Variants in DMAC1 observed in about 807,000 individuals in gnomAD.
The protein encoded by DMAC1 is distal membrane arm assembly component 1, also known as distal membrane-arm assembly complex protein 1.
In DMAC1, 10 loss-of-function variants were observed where a neutral mutation model predicts 7.0. The observed-to-expected ratio is 1.43, with a 90% CI of 0.88 to 2.43. The LOEUF is 2.43. Among genes scored for constraint, DMAC1 ranks in the 30% most tolerant of loss-of-function variants. DMAC1 has a pLI of 0.00. For missense variants in DMAC1, 219 were observed against 158.7 expected (o/e 1.38, Z -2.04); for synonymous variants, 92 against 66.2 (o/e 1.39, Z -1.90).
Position 7,799,614 on chromosome 9 carries a change from G to T in DMAC1, c.121C>A (p.His41Asn). The change falls in exon 1 of 2, where the codon CAC (histidine) becomes AAC (asparagine). Residue 41 changes from histidine to asparagine, a missense_variant. His to Asn is a moderately conservative substitution (Grantham distance 68). Transcript: ENST00000358227. ...TPGAPTSPAEHRLLKTCWSCR... is the reference protein window; with the variant it reads ...TPGAPTSPAENRLLKTCWSCR... ...CTCCAGCAGGTCTTCAACAGGCGGT[G>T]TTCTGCTGGGGAGGTCGGCGCTCCG... The T allele has an allele frequency of 6.2e-7, 1 of 1,613,498 alleles. No individual in the cohort carries two copies. Among genetic ancestry groups the T allele is most frequent in the Non-Finnish European group, 8.5e-7 (1 of 1,179,948 alleles).
At chr9:7,798,695 T>A in intron 1 of DMAC1, 58 bp from the exon 2 acceptor site, 2 of 1,398,016 alleles carry the variant, frequency 1.4e-6, no homozygotes, top group Non-Finnish European at 1.9e-6. Flanking sequence ...ACCAAGTGTT[T>A]CACATATACG....
rs1455048049 is a variant in DMAC1, at chr9:7,799,480, C to A, written c.255G>T (p.Thr85=). 6.2e-7 allele frequency: 1 copy of A among 1,612,890 alleles called. No individual in the cohort carries two copies. The highest frequency in any genetic ancestry group is 2.2e-5 in the East Asian group (1 of 44,840). Reference sequence around the variant, plus strand: ...TCTCACTGAGGCCGATGACCATCTGCGTAATGGTCCATGGACTCGGGGGGT... The same window carrying A: ...TCTCACTGAGGCCGATGACCATCTGAGTAATGGTCCATGGACTCGGGGGGT... ...MGYPPSPWTI[T]QMVIGLSIAT... Residue 85 remains threonine, a synonymous_variant, in exon 1 of 2, where the codon ACG becomes ACT. Coordinates refer to ENST00000358227, the MANE Select transcript of DMAC1 (RefSeq NM_033428.3).
chr9:7,798,491 G>C lies in DMAC1; in HGVS notation c.*82C>G. 2 of 1,431,996 alleles carry C rather than the reference G, an allele frequency of 1.4e-6. No homozygotes were observed. Among genetic ancestry groups the C allele is most frequent in the South Asian group, 1.1e-5 (1 of 87,556 alleles). 88.7% of individuals were successfully genotyped at this position (1,431,996 alleles called of 1,614,324 possible). On this transcript the variant is annotated 3_prime_UTR_variant, in exon 2 of 2. Transcript: ENST00000358227. ...CTGTCCATGTACAAGTGTCTGTCCA[G>C]AACACCCATTAAATTCCATGCCTGC...
Position 7,799,747 on chromosome 9 carries a change from G to C in DMAC1, c.-13C>G. On this transcript the variant is annotated 5_prime_UTR_variant, in exon 1 of 2. Transcript: ENST00000358227. Reference sequence around the variant, plus strand: ...ACCGAGACCCCATGCTCTGGAACTCGGCCTCAACCTTGGGCGTCTTTGGTT... The same window carrying C: ...ACCGAGACCCCATGCTCTGGAACTCCGCCTCAACCTTGGGCGTCTTTGGTT... The C allele has an allele frequency of 3.3e-6, 5 of 1,508,610 alleles. No individual in the cohort carries two copies. The highest frequency in any genetic ancestry group is 4.4e-6 in the Non-Finnish European group (5 of 1,133,870). 93.5% of individuals were successfully genotyped at this position (1,508,610 alleles called of 1,614,324 possible). A position where few individuals can be genotyped will look rare whatever the true frequency, so the allele number is the denominator to read the frequency against.
At chr9:7,799,299 G>A (rs1818688066) in intron 1 of DMAC1, 162 bp downstream of exon 1, 2 of 844,540 alleles carry the variant, frequency 2.4e-6, no homozygotes, top group Non-Finnish European at 3.6e-6. Flanking sequence ...AAAAAAGAAA[G>A]GCGTTCCAAC....
rs1474560856 is a variant in DMAC1 at position 7,797,621 on chromosome 9, G to A, written c.*952C>T. ...GAAAACATGGCCTTCTCTTAGAAAT[G>A]AACTATGTAATTTTGAGTACTTATC... On this transcript the variant is annotated 3_prime_UTR_variant, in exon 2 of 2. Coordinates refer to ENST00000358227, the MANE Select transcript of DMAC1 (RefSeq NM_033428.3). 6.6e-6 allele frequency: 1 copy of A among 151,828 alleles called. No individual in the cohort carries two copies. Among genetic ancestry groups the A allele is most frequent in the African/African-American group, 2.4e-5 (1 of 41,380 alleles). 9.4% of individuals were successfully genotyped at this position (151,828 alleles called of 1,614,324 possible). A position where few individuals can be genotyped will look rare whatever the true frequency, so the allele number is the denominator to read the frequency against.
Position 7,798,557 on chromosome 9 carries a change from T to C in DMAC1, c.*16A>G, listed in dbSNP as rs1818664790. ...GAAAGGGACAGAGACAGAAGACAGA[T>C]TCACTGGTGGTACTTTCAAACAACG... On this transcript the variant is annotated 3_prime_UTR_variant, in exon 2 of 2. Coordinates refer to ENST00000358227, the MANE Select transcript of DMAC1 (RefSeq NM_033428.3). 2 of 1,613,892 alleles carry C rather than the reference T, an allele frequency of 1.2e-6. No individual in the cohort carries two copies. Among genetic ancestry groups the C allele is most frequent in the Non-Finnish European group, 1.7e-6 (2 of 1,179,760 alleles).
intron 1 of DMAC1, 24 bp from the exon 2 acceptor site, chr9:7,798,661 TA>T: frequency 6.5e-7 from 1 of 1,527,856 alleles, no homozygotes; most frequent in East Asian, 2.3e-5. Context: ...AACAATACCT[TA>T]CCTTTATGCT....
In DMAC1 at chr9:7,799,738, C is replaced by G. The variant is rs376872204; in HGVS notation, c.-4G>C. On this transcript the variant is annotated 5_prime_UTR_variant, in exon 1 of 2. Transcript: ENST00000358227. Reference sequence around the variant, plus strand: ...GCTGGGACAACCGAGACCCCATGCTCTGGAACTCGGCCTCAACCTTGGGCG... The same window carrying G: ...GCTGGGACAACCGAGACCCCATGCTGTGGAACTCGGCCTCAACCTTGGGCG... The G allele has an allele frequency of 1.3e-5, 20 of 1,518,694 alleles. No individual in the cohort carries two copies. In the African/African-American group the frequency reaches 1.4e-4, roughly 10 times the overall value. The allele number at this position is 1,518,694 out of a possible 1,614,324, so 94.1% of individuals were successfully genotyped here. A position where few individuals can be genotyped will look rare whatever the true frequency, so the allele number is the denominator to read the frequency against.
Position 7,799,644 on chromosome 9 carries a change from T to C in DMAC1, c.91A>G (p.Thr31Ala). Reference protein sequence around the residue: ...AAPAKPAPPATPGAPTSPAEH... With the variant: ...AAPAKPAPPAAPGAPTSPAEH... ...GCTGGGGAGGTCGGCGCTCCGGGTG[T>C]AGCTGGGGGCGCAGGTTTGGCGGGC... The change falls in exon 1 of 2, where the codon ACA (threonine) becomes GCA (alanine). Residue 31 changes from threonine (T) to alanine (A), a missense_variant. Physicochemically the swap from Thr to Ala is moderately conservative, Grantham distance 58 (BLOSUM62 0). Coordinates refer to ENST00000358227, the MANE Select transcript of DMAC1 (RefSeq NM_033428.3). The C allele has an allele frequency of 6.2e-7, 1 of 1,612,310 alleles. No individual in the cohort carries two copies. The highest frequency in any genetic ancestry group is 8.5e-7 in the Non-Finnish European group (1 of 1,179,630).
At position 7,797,897 on chromosome 9, in the gene DMAC1, G is replaced by T. The variant is rs1052831700; in HGVS notation, c.*676C>A. ...TACTGAATGACCCTAGGCAAATCAT[G>T]TGGGCTCTTTCTTGTGTTTTAAGTT... On this transcript the variant is annotated 3_prime_UTR_variant, in exon 2 of 2. Coordinates refer to ENST00000358227, the MANE Select transcript of DMAC1 (RefSeq NM_033428.3). 4 of 152,306 alleles carry T rather than the reference G, an allele frequency of 2.6e-5. No homozygotes were observed. The highest frequency in any genetic ancestry group is 5.9e-5 in the Non-Finnish European group (4 of 68,028). The allele number at this position is 152,306 out of a possible 1,614,324, so 9.4% of individuals were successfully genotyped here. A position where few individuals can be genotyped will look rare whatever the true frequency, so the allele number is the denominator to read the frequency against.
In DMAC1 at chr9:7,797,195, T is replaced by C. The variant is rs1818624785; in HGVS notation, c.*1378A>G. ...TATGAATGACCATATGTATCTGCTT[T>C]GGGTCATCCATGGTCCCTTCCAACT... is the stretch of plus-strand genomic sequence containing the variant. On this transcript the variant is annotated 3_prime_UTR_variant, in exon 2 of 2. Coordinates refer to ENST00000358227, the MANE Select transcript of DMAC1 (RefSeq NM_033428.3). 6.6e-6 allele frequency: 1 copy of C among 152,264 alleles called. No individual in the cohort carries two copies. The highest frequency in any genetic ancestry group is 2.1e-4 in the South Asian group (1 of 4,834). 9.4% of individuals were successfully genotyped at this position (152,264 alleles called of 1,614,324 possible).
At position 7,799,736 on chromosome 9, in the gene DMAC1, C is replaced by G. The variant is rs574961082; in HGVS notation, c.-2G>C. 6.6e-7 allele frequency: 1 copy of G among 1,519,134 alleles called. No homozygotes were observed. Among genetic ancestry groups the G allele is most frequent in the African/African-American group, 1.4e-5 (1 of 72,366 alleles). 94.1% of individuals were successfully genotyped at this position (1,519,134 alleles called of 1,614,324 possible). Reference sequence around the variant, plus strand: ...AGGCTGGGACAACCGAGACCCCATGCTCTGGAACTCGGCCTCAACCTTGGG... The same window carrying G: ...AGGCTGGGACAACCGAGACCCCATGGTCTGGAACTCGGCCTCAACCTTGGG... On this transcript the variant is annotated 5_prime_UTR_variant, in exon 1 of 2. Transcript: ENST00000358227.
At chr9:7,798,765 TA>T (rs35895158) in intron 1 of DMAC1, 128 bp from the exon 2 acceptor site, 40,260 of 725,434 alleles carry the variant, frequency 0.055, 2,392 homozygotes, top group African/African-American at 0.25. Flanking sequence ...ATCTTTCTTA[TA>T]AGGCAAGTGA....
chr9:7,796,926 T>A lies in DMAC1; in HGVS notation c.*1647A>T, dbSNP rs1015183013. 8 of 148,280 alleles carry A rather than the reference T, an allele frequency of 5.4e-5. No homozygotes were observed. Among genetic ancestry groups the A allele is most frequent in the African/African-American group, 1.9e-4 (8 of 41,150 alleles). 9.2% of individuals were successfully genotyped at this position (148,280 alleles called of 1,614,324 possible). ...AACTACTAATTAAGTTTTTGAGGAG[T>A]CAGGTTATATGCAGATTCTCCACTG... On this transcript the variant is annotated 3_prime_UTR_variant, in exon 2 of 2. Transcript: ENST00000358227.
At position 7,796,953 on chromosome 9, in the gene DMAC1, G is replaced by A. The variant is rs1204420064; in HGVS notation, c.*1620C>T. 6.6e-6 allele frequency: 1 copy of A among 152,178 alleles called. No individual in the cohort carries two copies. The highest frequency in any genetic ancestry group is 1.5e-5 in the Non-Finnish European group (1 of 68,044). The allele number at this position is 152,178 out of a possible 1,614,324, so 9.4% of individuals were successfully genotyped here. ...AGGTTATATGCAGATTCTCCACTGA[G>A]CAAATGTTCAGCGCTCTTAACTCCT... On this transcript the variant is annotated 3_prime_UTR_variant, in exon 2 of 2. Coordinates refer to ENST00000358227, the MANE Select transcript of DMAC1 (RefSeq NM_033428.3).
rs1026303203 is a variant in DMAC1 at position 7,798,068 on chromosome 9, G to C, written c.*505C>G. The C allele has an allele frequency of 6.6e-6, 1 of 152,500 alleles. No homozygotes were observed. Among genetic ancestry groups the C allele is most frequent in the African/African-American group, 2.4e-5 (1 of 41,404 alleles). The allele number at this position is 152,500 out of a possible 1,614,324, so 9.4% of individuals were successfully genotyped here. On this transcript the variant is annotated 3_prime_UTR_variant, in exon 2 of 2. Transcript: ENST00000358227. ...ATTGCATGATGCCCACCCAGGGTTA[G>C]GTTAACAGTTGTTGATCCAATTATG...
At position 7,798,521 on chromosome 9, in the gene DMAC1, T is replaced by C; in HGVS notation, c.*52A>G. 6.3e-7 allele frequency: 1 copy of C among 1,593,188 alleles called. No homozygotes were observed. On this transcript the variant is annotated 3_prime_UTR_variant, in exon 2 of 2. Coordinates refer to ENST00000358227, the MANE Select transcript of DMAC1 (RefSeq NM_033428.3). ...CCCATTAAATTCCATGCCTGCTGTG[T>C]GTGTCACGGGGAAAGGGACAGAGAC...
In DMAC1 at chr9:7,799,589, C is replaced by T. The variant is rs1322941724; in HGVS notation, c.146G>A (p.Ser49Asn). 1.2e-6 allele frequency: 2 copies of T among 1,613,680 alleles called. No homozygotes were observed. The highest frequency in any genetic ancestry group is 1.7e-6 in the Non-Finnish European group (2 of 1,180,004). Residue 49 changes from serine (S) to asparagine (N), a missense_variant, in exon 1 of 2, where the codon AGC (serine) becomes AAC (asparagine). Ser to Asn is a conservative substitution (Grantham distance 46). Transcript: ENST00000358227. ...CCCCAACCCAGAAAGCACGCGACAG[C>T]TCCAGCAGGTCTTCAACAGGCGGTG... ...AEHRLLKTCW[S>N]CRVLSGLGLM...
Sources: gnomAD v4.1 joint callset for allele counts on GRCh38, gnomAD v4.1.1 for gene constraint, MANE v1.5 for transcripts, NCBI Gene and HGNC (gene_info 2026-07-23, HGNC 2026-07-21) for gene names.